Variants in TBC1D13 observed in about 807,000 individuals in gnomAD.
TBC1D13 encodes epididymis secretory sperm binding protein.
A neutral mutation model predicts 53.6 loss-of-function variants in TBC1D13; 40 were observed. That is an observed-to-expected ratio of 0.75 (90% CI 0.58 to 0.97). The LOEUF (loss-of-function observed/expected upper bound fraction) is 0.97, where lower values mean the gene tolerates loss of function less well. TBC1D13 is among the 50% of genes least tolerant of loss of function. The pLI is 0.00. For missense variants in TBC1D13, 377 were observed against 499.4 expected, an observed-to-expected ratio of 0.75 and a Z score of 2.34; for synonymous variants, 182 against 197.7, an observed-to-expected ratio of 0.92 and a Z score of 0.67.
At chr9:128,791,468 A>G (rs748074146) in intron 4 of TBC1D13, 27 bp downstream of exon 4, 1 of 1,613,154 alleles carries the variant, frequency 6.2e-7, no homozygotes, top group Non-Finnish European at 8.5e-7. Flanking sequence ...GGGCAGTGAC[A>G]GGAGGGCCCT....
chr9:128,797,358 G>T, intron 7 of TBC1D13, 144 bp downstream of exon 7: 1 of 902,624 alleles, frequency 1.1e-6, no homozygotes, highest in East Asian at 2.7e-5. Flanking sequence ...CAGATCCTGG[G>T]GTGCTTTCTA....
intron 9 of TBC1D13, 40 bp downstream of exon 9, chr9:128,804,159 G>A (rs779804916): frequency 1.1e-5 from 17 of 1,604,674 alleles, no homozygotes; most frequent in Admixed American, 1.7e-5. Context: ...AGGGACAGGA[G>A]GCAGAGAGTT....
intron 2 of TBC1D13, chr9:128,789,790 A>G (rs1325449494): frequency 4.3e-5 from 1 of 23,230 alleles, no homozygotes; most frequent in Non-Finnish European, 7.7e-5. Context: ...AAGAAAATAC[A>G]CCATATATAT....
chr9:128,789,678 T>C (rs1426913012), intron 2 of TBC1D13, among the ~76,000 whole-genome samples: 2 of 152,014 alleles, frequency 1.3e-5, no homozygotes, highest in East Asian at 3.8e-4. Flanking sequence ...CAAATATGTA[T>C]GGAATATCTT....
Position 128,788,341 on chromosome 9 carries a change from G to A in TBC1D13, c.31G>A (p.Asp11Asn). Residue 11 changes from aspartate (D) to asparagine (N), a missense_variant, in exon 2 of 12, where the codon GAT becomes AAT. Asp to Asn is a conservative substitution (Grantham distance 23). Transcript: ENST00000372648. MSSLHKSRIA[D>N]FQDVLKEPSI... ...CCCTATCTCCCCTTCCAGAATTGCAGATTTCCAGGATGTCCTGAAGGAGCC... is the reference window on the plus strand; with the variant it reads ...CCCTATCTCCCCTTCCAGAATTGCAAATTTCCAGGATGTCCTGAAGGAGCC... The A allele has an allele frequency of 6.2e-7, 1 of 1,614,104 alleles. No homozygotes were observed. The highest frequency in any genetic ancestry group is 8.5e-7 in the Non-Finnish European group (1 of 1,179,990).
chr9:128,790,794 G>GGGCTGTGCATGGATGGCCAT lies in TBC1D13; in HGVS notation c.138+23_138+24insGTGCATGGATGGCCATGGCT. On this transcript the variant is annotated intron_variant, in intron 3 of 11. Transcript: ENST00000372648. ...CTGGAAGGTGGGTGTGCCTGGGGTG[G>GGGCTGTGCATGGATGGCCAT]GGCTTCTGCTCTGCTGAGAGTCCCT... The GGGCTGTGCATGGATGGCCAT allele has an allele frequency of 6.4e-7, 1 of 1,558,876 alleles. No homozygotes were observed. The highest frequency in any genetic ancestry group is 8.6e-7 in the Non-Finnish European group (1 of 1,161,438).
In TBC1D13 at chr9:128,788,318, C is replaced by G; in HGVS notation, c.24-16C>G. The stretch of plus-strand genomic sequence containing the variant: ...ATATCAGCATGCTTCATTTGCCGCC[C>G]TATCTCCCCTTCCAGAATTGCAGAT... On this transcript the variant is annotated splice_polypyrimidine_tract_variant and intron_variant, in intron 1 of 11. Coordinates refer to ENST00000372648, the MANE Select transcript of TBC1D13 (RefSeq NM_018201.5). The G allele has an allele frequency of 6.2e-7, 1 of 1,613,624 alleles. No individual in the cohort carries two copies. The highest frequency in any genetic ancestry group is 1.3e-5 in the African/African-American group (1 of 75,058).
At chr9:128,802,257 C>A (rs1031463685) in intron 7 of TBC1D13, among the ~76,000 whole-genome samples, 1 of 151,784 alleles carries the variant, frequency 6.6e-6, no homozygotes, top group African/African-American at 2.4e-5. Flanking sequence ...AGGGTTTCTC[C>A]ATGTTGGTCA....
chr9:128,803,760 T>G (rs936127127), intron 8 of TBC1D13, among the ~76,000 whole-genome samples, 196 bp from the exon 9 acceptor site: 6 of 152,132 alleles, frequency 3.9e-5, no homozygotes, highest in African/African-American at 1.4e-4. Flanking sequence ...GAATGTACAG[T>G]ATTGCCAGAT....
At chr9:128,796,168 A>G (rs1424102030) in intron 6 of TBC1D13, among the ~76,000 whole-genome samples, 1 of 151,960 alleles carries the variant, frequency 6.6e-6, no homozygotes, top group Non-Finnish European at 1.5e-5. Flanking sequence ...GCTCACTGCA[A>G]TCTCCTCCTC....
chr9:128,807,626 T>C (rs1829861373), intron 11 of TBC1D13, among the ~76,000 whole-genome samples, 188 bp from the exon 12 acceptor site: 1 of 152,098 alleles, frequency 6.6e-6, no homozygotes, highest in Admixed American at 6.6e-5. Context: ...GTTGAGTTGG[T>C]GCTGCATGGT....
At position 128,808,203 on chromosome 9, in the gene TBC1D13, G is replaced by C; in HGVS notation, c.*324G>C. On this transcript the variant is annotated 3_prime_UTR_variant, in exon 12 of 12. Transcript: ENST00000372648. ...TCCCTGCCTCGGCTCTGCCGCCCCA[G>C]CCTCAGTTCCTGCTTCTGGTCTTCT... 2.8e-6 allele frequency: 1 copy of C among 363,590 alleles called. No homozygotes were observed. 22.5% of individuals were successfully genotyped at this position (363,590 alleles called of 1,614,324 possible).
intron 8 of TBC1D13, 107 bp downstream of exon 8, chr9:128,803,567 G>A: frequency 9.6e-7 from 1 of 1,041,408 alleles, no homozygotes; most frequent in Non-Finnish European, 1.4e-6. Flanking sequence ...ATGAGGAGTT[G>A]GCCTGGATCA....
At chr9:128,789,393 C>T (rs1303250676) in intron 2 of TBC1D13, among the ~76,000 whole-genome samples, 1 of 149,382 alleles carries the variant, frequency 6.7e-6, no homozygotes, top group African/African-American at 2.5e-5. Context: ...GAGGTATTCA[C>T]TCATGTTCAT....
In TBC1D13 at chr9:128,797,163, G is replaced by C. The variant is rs747568776; in HGVS notation, c.492G>C (p.Gln164His). The change falls in exon 7 of 12, where the codon CAG becomes CAC. Residue 164 changes from glutamine to histidine, a missense_variant. By Grantham distance (24) the Gln-to-His change is conservative (BLOSUM62 0). Coordinates refer to ENST00000372648, the MANE Select transcript of TBC1D13 (RefSeq NM_018201.5). ...EFETLRKRVE[Q>H]TTLKSQTVAR... ...AAACCCTTCGTAAGAGAGTGGAACA[G>C]ACAACACTGAAATCTCAGACGGTGG... 9.9e-6 allele frequency: 16 copies of C among 1,614,132 alleles called. No individual in the cohort carries two copies. The East Asian group carries it at 3.6e-4, about 36-fold the overall frequency.
chr9:128,789,134 C>G (rs1380688308), intron 2 of TBC1D13, among the ~76,000 whole-genome samples: 1 of 151,894 alleles, frequency 6.6e-6, no homozygotes, highest in African/African-American at 2.4e-5. Flanking sequence ...ACAGCCTGGC[C>G]AACATGGTGA....
intron 7 of TBC1D13, among the ~76,000 whole-genome samples, chr9:128,798,790 T>C (rs1429568611): frequency 6.6e-6 from 1 of 152,226 alleles, no homozygotes; most frequent in African/African-American, 2.4e-5. Context: ...GGAAAAACCC[T>C]TTTCTGTAGC....
chr9:128,790,726 T>A lies in TBC1D13; in HGVS notation c.98-9T>A, dbSNP rs1829517744. 6.5e-7 allele frequency: 1 copy of A among 1,546,028 alleles called. No individual in the cohort carries two copies. The highest frequency in any genetic ancestry group is 8.7e-7 in the Non-Finnish European group (1 of 1,154,210). ...CCTGGGGCATGACCTTTGCCTGCTG[T>A]GTCCACAGGCATCCCCTGTGAGGGC... On this transcript the variant is annotated splice_polypyrimidine_tract_variant and intron_variant, in intron 2 of 11. Transcript: ENST00000372648.
At chr9:128,791,983 A>G (rs1829541576) in intron 5 of TBC1D13, among the ~76,000 whole-genome samples, 1 of 152,158 alleles carries the variant, frequency 6.6e-6, no homozygotes, top group Non-Finnish European at 1.5e-5. Flanking sequence ...AGAAAGTCAG[A>G]GCAGGGCGGG....
Sources: allele counts gnomAD v4.1 joint callset (sites outside exome capture counted in the v4.1 genomes callset), GRCh38; gene constraint gnomAD v4.1.1; transcripts MANE v1.5; gene names NCBI Gene and HGNC (gene_info 2026-07-23, HGNC 2026-07-21).